MTUS2: variants seen among roughly 807,000 people sequenced by gnomAD.
The protein encoded by MTUS2 is microtubule-associated tumor suppressor candidate 2.
In MTUS2, 40 loss-of-function variants were observed where a neutral mutation model predicts 114.1. That is an observed-to-expected ratio of 0.35 (90% CI 0.27 to 0.46). The LOEUF (loss-of-function observed/expected upper bound fraction) is 0.46, where lower values mean the gene tolerates loss of function less well. Among genes scored for constraint, MTUS2 ranks in the 20% least tolerant of loss-of-function variants. The probability of loss-of-function intolerance (pLI) is 1.00; values close to 1 mark genes in which losing one functional copy is unlikely to be tolerated. For missense variants in MTUS2, 1,679 were observed against 1,705.4 expected (o/e 0.98, Z 0.27); for synonymous variants, 688 against 672.0 (o/e 1.02, Z -0.37).
chr13:29,054,735 A>G (rs1052037844), intron 4 of MTUS2, among the ~76,000 whole-genome samples: 5 of 152,278 alleles, frequency 3.3e-5, no homozygotes, highest in Admixed American at 6.5e-5. Context: ...AATATTTAAA[A>G]TATTTTAATT....
chr13:29,147,300 T>C (rs929392460), intron 5 of MTUS2, among the ~76,000 whole-genome samples: 50 of 152,202 alleles, frequency 3.3e-4, no homozygotes, highest in African/African-American at 1.2e-3. Flanking sequence ...GCTAGTTGGT[T>C]ATATATGATT....
At chr13:28,834,712 TATC>T (rs1211961085) in intron 1 of MTUS2, among the ~76,000 whole-genome samples, 2 of 152,292 alleles carry the variant, frequency 1.3e-5, no homozygotes, top group African/African-American at 4.8e-5. Flanking sequence ...CTTCAGAGGA[TATC>T]ATCAAGAAAG....
chr13:29,491,860 T>C (rs893755330), intron 11 of MTUS2, among the ~76,000 whole-genome samples: 1 of 134,102 alleles, frequency 7.5e-6, no homozygotes, highest in African/African-American at 2.8e-5. Flanking sequence ...GCATGTGCCA[T>C]GTATGTGATG....
At chr13:29,003,254 TGAGTA>T (rs1267783880) in intron 2 of MTUS2, among the ~76,000 whole-genome samples, 4 of 151,948 alleles carry the variant, frequency 2.6e-5, no homozygotes, top group Admixed American at 2.6e-4. Context: ...GAAGCAACTC[TGAGTA>T]AAGTACTATC....
At chr13:29,319,328 A>G (rs1462717166) in intron 6 of MTUS2, among the ~76,000 whole-genome samples, 1 of 152,122 alleles carries the variant, frequency 6.6e-6, no homozygotes, top group Non-Finnish European at 1.5e-5. Flanking sequence ...ACTGTCCCCC[A>G]GGGGGGACTT....
chr13:29,350,494 A>G (rs1413387798), intron 7 of MTUS2, among the ~76,000 whole-genome samples: 1 of 151,630 alleles, frequency 6.6e-6, no homozygotes, highest in Non-Finnish European at 1.5e-5. Context: ...ATACTCCTCT[A>G]TGACCAGTTG....
chr13:29,031,917 T>G (rs1468305689), intron 3 of MTUS2, among the ~76,000 whole-genome samples: 1 of 152,030 alleles, frequency 6.6e-6, no homozygotes, highest in Non-Finnish European at 1.5e-5. Flanking sequence ...GACAGCCTGG[T>G]AAGAATGTAT....
chr13:29,194,461 A>G (rs1257019666), intron 5 of MTUS2, among the ~76,000 whole-genome samples: 1 of 152,164 alleles, frequency 6.6e-6, no homozygotes, highest in Admixed American at 6.5e-5. Context: ...TCTCAAAAGA[A>G]GACATTTTTG....
chr13:29,001,112 G>A (rs914958759), intron 2 of MTUS2, among the ~76,000 whole-genome samples: 6 of 152,198 alleles, frequency 3.9e-5, no homozygotes, highest in Middle Eastern at 3.2e-3. Flanking sequence ...GCAGCATTCA[G>A]TTCCTGGAAA....
intron 5 of MTUS2, among the ~76,000 whole-genome samples, chr13:29,204,824 C>T (rs546781931): frequency 4.7e-4 from 72 of 152,344 alleles, no homozygotes; most frequent in African/African-American, 1.3e-3. Flanking sequence ...ACACTAAAAG[C>T]GCGCAAAGCA....
intron 2 of MTUS2, among the ~76,000 whole-genome samples, chr13:29,009,861 C>A (rs1026771448): frequency 3.9e-5 from 6 of 151,928 alleles, no homozygotes; most frequent in Admixed American, 1.3e-4. Context: ...AAATCTAGGG[C>A]CACATATTAT....
intron 5 of MTUS2, among the ~76,000 whole-genome samples, chr13:29,187,078 C>T (rs545165260): frequency 7.2e-5 from 11 of 151,904 alleles, no homozygotes; most frequent in African/African-American, 2.7e-4. Flanking sequence ...AATGAAAACA[C>T]AACATACTAA....
At chr13:29,036,381 C>G (rs1252393693) in intron 4 of MTUS2, among the ~76,000 whole-genome samples, 3 of 152,150 alleles carry the variant, frequency 2.0e-5, no homozygotes, top group African/African-American at 7.2e-5. Flanking sequence ...TAGCCCAAAT[C>G]TCAAAGGTAA....
chr13:29,217,947 G>C (rs1489144590), intron 5 of MTUS2, among the ~76,000 whole-genome samples: 9 of 152,040 alleles, frequency 5.9e-5, no homozygotes, highest in Non-Finnish European at 1.2e-4. Flanking sequence ...ATAAGACCTG[G>C]TCTCCACAAA....
At position 29,173,043 on chromosome 13, in the gene MTUS2, C is replaced by T. The variant is rs970623463; in HGVS notation, c.2644+72073C>T. ...GTGCCAGGAACCTTCATATAGGCAC[C>T]AAATTCTGATATCTGGGACTTGTTT... On this transcript the variant is annotated intron_variant, in intron 5 of 15. Transcript: ENST00000612955. Among the ~76,000 whole-genome samples, 12 of 151,956 alleles carry T rather than the reference C, an allele frequency of 7.9e-5. No homozygotes were observed. The East Asian group carries it at 2.3e-3, about 29-fold the overall frequency.
intron 8 of MTUS2, 119 bp from the exon 9 acceptor site, chr13:29,439,864 A>G (rs1877700474): frequency 1.2e-6 from 1 of 806,006 alleles, no homozygotes; most frequent in African/African-American, 1.8e-5. Context: ...TGTGAAAATT[A>G]TCTCCTTAAG....
At chr13:29,292,036 T>C (rs1211661556) in intron 6 of MTUS2, among the ~76,000 whole-genome samples, 3 of 152,244 alleles carry the variant, frequency 2.0e-5, no homozygotes, top group African/African-American at 7.2e-5. Flanking sequence ...CATTACCTTG[T>C]TCTGTTATCA....
At chr13:29,408,270 T>C (rs987130964) in intron 8 of MTUS2, among the ~76,000 whole-genome samples, 1 of 152,192 alleles carries the variant, frequency 6.6e-6, no homozygotes, top group African/African-American at 2.4e-5. Flanking sequence ...CATAATGATA[T>C]TTTGTTATAA....
intron 8 of MTUS2, among the ~76,000 whole-genome samples, chr13:29,365,818 A>G (rs1250519684): frequency 6.6e-6 from 1 of 152,158 alleles, no homozygotes; most frequent in Non-Finnish European, 1.5e-5. Flanking sequence ...CCAATTCTTC[A>G]CTTAAATGTC....
Sources: allele counts gnomAD v4.1 joint callset (sites outside exome capture counted in the v4.1 genomes callset), GRCh38; gene constraint gnomAD v4.1.1; transcripts MANE v1.5; gene names NCBI Gene and HGNC (gene_info 2026-07-23, HGNC 2026-07-21).